DCDC1: variants seen among roughly 807,000 people sequenced by gnomAD.
The protein encoded by DCDC1 is doublecortin domain-containing protein 1.
DCDC1 carries 200 observed loss-of-function variants against 178.3 expected under a neutral mutation model. That is an observed-to-expected ratio of 1.12 (90% CI 1.00 to 1.26). The LOEUF (loss-of-function observed/expected upper bound fraction) is 1.26. Ranked by LOEUF, DCDC1 falls within the 50% of genes most tolerant of loss-of-function variation. The pLI, the probability that DCDC1 is intolerant of heterozygous loss-of-function variation, is 0.00. For missense variants in DCDC1, 1,983 were observed against 1,749.2 expected (o/e 1.13, Z -2.38); for synonymous variants, 690 against 604.8 (o/e 1.14, Z -2.07).
intron 27 of DCDC1, among the ~76,000 whole-genome samples, chr11:30,914,606 G>A (rs1331182581): frequency 5.0e-5 from 6 of 119,216 alleles, no homozygotes; most frequent in South Asian, 2.7e-4. Context: ...TTTTTTGTTC[G>A]ATTAAAGAAA....
intron 7 of DCDC1, among the ~76,000 whole-genome samples, chr11:31,279,416 A>G (rs1178653347): frequency 6.6e-6 from 1 of 152,136 alleles, no homozygotes; most frequent in Non-Finnish European, 1.5e-5. Flanking sequence ...AGAGTTCAAG[A>G]GTGAAGTTTA....
At chr11:30,903,946 A>C in intron 31 of DCDC1, 1 of 261,926 alleles carries the variant, frequency 3.8e-6, no homozygotes, top group Non-Finnish European at 7.2e-6. Flanking sequence ...ATATATTAAT[A>C]TATTTTAGCA....
At chr11:31,182,200 C>G (rs1201863577) in intron 9 of DCDC1, among the ~76,000 whole-genome samples, 1 of 152,172 alleles carries the variant, frequency 6.6e-6, no homozygotes, top group African/African-American at 2.4e-5. Flanking sequence ...CTTCCCCAAC[C>G]TAGCAAGACA....
intron 3 of DCDC1, among the ~76,000 whole-genome samples, chr11:31,312,311 C>A (rs1410820291): frequency 6.6e-6 from 1 of 152,192 alleles, no homozygotes; most frequent in African/African-American, 2.4e-5. Flanking sequence ...TTAATCCTCA[C>A]AACAGCCCTG....
intron 20 of DCDC1, among the ~76,000 whole-genome samples, chr11:30,963,718 T>G (rs1329061396): frequency 6.6e-6 from 1 of 152,108 alleles, no homozygotes; most frequent in East Asian, 1.9e-4. Context: ...ATCTATAAAC[T>G]ATCATGCAAA....
intron 27 of DCDC1, 69 bp from the exon 28 acceptor site, chr11:30,911,489 A>G (rs1228496553): frequency 8.2e-7 from 1 of 1,223,714 alleles, no homozygotes; most frequent in Non-Finnish European, 1.2e-6. Context: ...TGTGCCACTT[A>G]GCACTGTGTT....
intron 10 of DCDC1, 75 bp downstream of exon 10, chr11:31,137,617 G>A (rs1195084413): frequency 3.1e-6 from 2 of 648,524 alleles, no homozygotes; most frequent in African/African-American, 1.8e-5. Context: ...CAAAGTGCGG[G>A]GATTACAGGC....
intron 15 of DCDC1, among the ~76,000 whole-genome samples, chr11:31,098,459 T>C (rs1958293544): frequency 6.6e-6 from 1 of 152,230 alleles, no homozygotes; most frequent in East Asian, 1.9e-4. Flanking sequence ...AAATGGGGAT[T>C]ATATGTTCCA....
intron 1 of DCDC1, among the ~76,000 whole-genome samples, chr11:31,362,978 C>T (rs969223264): frequency 6.6e-6 from 1 of 152,036 alleles, no homozygotes; most frequent in African/African-American, 2.4e-5. Context: ...TATAGTAACC[C>T]TGATGCTAAA....
chr11:30,970,272 C>A (rs899747090), intron 20 of DCDC1, among the ~76,000 whole-genome samples: 1 of 152,156 alleles, frequency 6.6e-6, no homozygotes, highest in African/African-American at 2.4e-5. Flanking sequence ...AGAGCTCATG[C>A]TGGTTCCCCA....
intron 20 of DCDC1, among the ~76,000 whole-genome samples, chr11:31,062,779 CT>C (rs937077175): frequency 6.6e-6 from 1 of 150,626 alleles, no homozygotes; most frequent in Non-Finnish European, 1.5e-5. Context: ...GCTTTTTTTT[CT>C]TTTTTTTCTT....
rs533157401 is a variant in DCDC1, at chr11:30,908,828, A to T, written c.3918+118T>A. ...AGAGTCTAAGTGATTTCACTCAAAA[A>T]TCAGCATTCAACTTGTATGAACATA... On this transcript the variant is annotated intron_variant, in intron 29 of 38. Coordinates refer to ENST00000684477, the MANE Select transcript of DCDC1 (RefSeq NM_001387274.1). 317 of 804,992 alleles carry T rather than the reference A, an allele frequency of 3.9e-4. 3 individuals are homozygous for T. The South Asian group carries it at 8.7e-3, about 22-fold the overall frequency. The allele number at this position is 804,992 out of a possible 1,614,324, so 49.9% of individuals were successfully genotyped here.
chr11:30,944,355 C>A (rs955883783), intron 21 of DCDC1: 5 of 456,198 alleles, frequency 1.1e-5, no homozygotes, highest in Non-Finnish European at 2.2e-5. Flanking sequence ...ATATGTAAGA[C>A]ATAATGGTTA....
Position 31,137,723 on chromosome 11 carries a change from G to A in DCDC1, c.1283C>T (p.Thr428Met), listed in dbSNP as rs748189043. Residue 428 changes from threonine to methionine, a missense_variant, in exon 10 of 39, where the codon ACG becomes ATG. Physicochemically the swap from Thr to Met is moderately conservative, Grantham distance 81. Coordinates refer to ENST00000684477, the MANE Select transcript of DCDC1 (RefSeq NM_001387274.1). ...KITEKVILSM[T>M]AKEHHKEQEE... Reference sequence around the variant, plus strand: ...CTGTTCCTTATGGTGTTCCTTTGCCGTCATTGAAAGAATGACTTTTTCTGT... The same window carrying A: ...CTGTTCCTTATGGTGTTCCTTTGCCATCATTGAAAGAATGACTTTTTCTGT... 2.6e-5 allele frequency: 18 copies of A among 702,466 alleles called. No individual in the cohort carries two copies. Among genetic ancestry groups the A allele is most frequent in the African/African-American group, 5.2e-5 (3 of 57,196 alleles). The allele number at this position is 702,466 out of a possible 1,614,324, so 43.5% of individuals were successfully genotyped here. A position where few individuals can be genotyped will look rare whatever the true frequency, so the allele number is the denominator to read the frequency against.
At chr11:31,282,819 A>G (rs1326589523) in intron 7 of DCDC1, among the ~76,000 whole-genome samples, 2 of 152,052 alleles carry the variant, frequency 1.3e-5, no homozygotes, top group Admixed American at 6.6e-5. Context: ...TTTTAAAGAT[A>G]TTTTCATGTA....
At chr11:31,285,186 G>C (rs1258251050) in intron 7 of DCDC1, among the ~76,000 whole-genome samples, 1 of 151,562 alleles carries the variant, frequency 6.6e-6, no homozygotes, top group Non-Finnish European at 1.5e-5. Context: ...AAGGCAACTG[G>C]CTATTCATAG....
intron 11 of DCDC1, among the ~76,000 whole-genome samples, chr11:31,118,446 A>C (rs1184624868): frequency 6.6e-6 from 1 of 152,150 alleles, no homozygotes; most frequent in African/African-American, 2.4e-5. Context: ...CACTTACGAG[A>C]AAATCTGCAT....
chr11:31,312,043 C>T (rs1467561110), intron 3 of DCDC1, among the ~76,000 whole-genome samples: 1 of 152,044 alleles, frequency 6.6e-6, no homozygotes, highest in African/African-American at 2.4e-5. Context: ...GACACCTCTC[C>T]AACCCTGTCC....
chr11:30,970,197 G>A (rs1044126164), intron 20 of DCDC1, among the ~76,000 whole-genome samples: 2 of 152,068 alleles, frequency 1.3e-5, no homozygotes, highest in Non-Finnish European at 2.9e-5. Context: ...CTCAACCCTC[G>A]CAGGTCCTGA....
Sources: allele counts gnomAD v4.1 joint callset (sites outside exome capture counted in the v4.1 genomes callset), GRCh38; gene constraint gnomAD v4.1.1; transcripts MANE v1.5; gene names NCBI Gene and HGNC (gene_info 2026-07-23, HGNC 2026-07-21).